CPXM2: variants seen among roughly 807,000 people sequenced by gnomAD.
The protein encoded by CPXM2 is carboxypeptidase X, M14 family member 2, also known as inactive carboxypeptidase-like protein X2.
Under a neutral mutation model 86.1 loss-of-function variants are expected in CPXM2, and 66 were observed. The observed-to-expected ratio is 0.77, with a 90% CI of 0.63 to 0.94. The LOEUF (loss-of-function observed/expected upper bound fraction) is 0.94, where lower values mean the gene tolerates loss of function less well. Among genes scored for constraint, CPXM2 ranks in the 40% least tolerant of loss-of-function variants. The pLI, the probability that CPXM2 is intolerant of heterozygous loss-of-function variation, is 0.00. For missense variants in CPXM2, 948 were observed against 1,026.3 expected (o/e 0.92, Z 1.04); for synonymous variants, 388 against 400.2 (o/e 0.97, Z 0.36).
intron 4 of CPXM2, among the ~76,000 whole-genome samples, chr10:123,842,083 T>A (rs1295988093): frequency 1.3e-5 from 2 of 152,260 alleles, no homozygotes; most frequent in Non-Finnish European, 2.9e-5. Flanking sequence ...TGGATTTCAC[T>A]GAGTCTGTGT....
intron 10 of CPXM2, among the ~76,000 whole-genome samples, chr10:123,762,728 AG>A (rs1329830909): frequency 6.6e-6 from 1 of 152,248 alleles, no homozygotes; most frequent in Non-Finnish European, 1.5e-5. Context: ...CAAGAAAAAA[AG>A]AAAACGATGT....
intron 2 of CPXM2, among the ~76,000 whole-genome samples, chr10:123,938,080 C>T (rs1945739523): frequency 6.6e-6 from 1 of 152,066 alleles, no homozygotes; most frequent in Non-Finnish European, 1.5e-5. Context: ...AGATTTCTCT[C>T]CCTCTTTCTG....
rs1309464680 is a variant in CPXM2, at chr10:123,929,911, TGGG to T, written n.174+9563_174+9565del. ...AACCACCGGGTCATGCTTCCTTCCT[TGGG>T]TAGGGCGTCCCTGGTGTGCCCAGAG... On this transcript the variant is annotated intron_variant and non_coding_transcript_variant, in intron 2 of 19. Transcript: ENST00000368854. 2.6e-5 allele frequency among the ~76,000 whole-genome samples: 4 copies of T among 152,150 alleles called. No individual in the cohort carries two copies. In the East Asian group the frequency reaches 7.7e-4, roughly 29 times the overall value.
In CPXM2 at chr10:123,887,079, G is replaced by C. The variant is rs1945188928; in HGVS notation, c.304+4277C>G. 2.0e-5 allele frequency: 3 copies of C among 152,178 alleles called. No individual in the cohort carries two copies. The South Asian group carries it at 6.2e-4, about 32-fold the overall frequency. 9.4% of individuals were successfully genotyped at this position (152,178 alleles called of 1,614,324 possible). On this transcript the variant is annotated intron_variant, in intron 1 of 13. Coordinates refer to ENST00000241305, the MANE Select transcript of CPXM2 (RefSeq NM_198148.3). ...AAACTGTCAAATTCAATTCGAAACA[G>C]CTAAATAAATGGAATTAGAGAGCAG...
At chr10:123,789,183 G>C (rs1847144526) in intron 6 of CPXM2, among the ~76,000 whole-genome samples, 1 of 152,188 alleles carries the variant, frequency 6.6e-6, no homozygotes, top group African/African-American at 2.4e-5. Context: ...TATAGAGCAA[G>C]GCCACGAGAG....
intron 2 of CPXM2, among the ~76,000 whole-genome samples, chr10:123,924,635 T>C (rs1447489330): frequency 6.6e-6 from 1 of 152,200 alleles, no homozygotes; most frequent in South Asian, 2.1e-4. Flanking sequence ...TTCATCACTT[T>C]TGTATGATTG....
At chr10:123,792,033 T>C (rs142039127) in intron 6 of CPXM2, among the ~76,000 whole-genome samples, 268 of 152,322 alleles carry the variant, frequency 1.8e-3, no homozygotes, top group African/African-American at 6.3e-3. Flanking sequence ...CCAGAGTACT[T>C]TGCACAGGGA....
rs1299654394 is a variant in CPXM2 at position 123,768,420 on chromosome 10, T to G, written c.1299+106A>C. 2.0e-5 allele frequency: 10 copies of G among 497,666 alleles called. No individual in the cohort carries two copies. The East Asian group carries it at 2.9e-4, about 14-fold the overall frequency. The allele number at this position is 497,666 out of a possible 1,614,324, so 30.8% of individuals were successfully genotyped here. A position where few individuals can be genotyped will look rare whatever the true frequency, so the allele number is the denominator to read the frequency against. On this transcript the variant is annotated intron_variant, in intron 9 of 13. Transcript: ENST00000241305. ...ATAAATAAATAAATAAATAAATAAA[T>G]AAAGCTCGGAAGGTGGAATTTTGCA...
At chr10:123,857,319 A>T (rs1344152270) in intron 3 of CPXM2, among the ~76,000 whole-genome samples, 7 of 152,164 alleles carry the variant, frequency 4.6e-5, no homozygotes, top group East Asian at 1.9e-4. Context: ...GTAACACGGC[A>T]AATGTATTCC....
chr10:123,898,532 G>A (rs1945356484), intron 2 of CPXM2, among the ~76,000 whole-genome samples: 1 of 152,044 alleles, frequency 6.6e-6, no homozygotes, highest in African/African-American at 2.4e-5. Context: ...TAGCTACTTG[G>A]GAGGCTGAGA....
In CPXM2 at chr10:123,891,340, G is replaced by T. The variant is rs1945265846; in HGVS notation, c.304+16C>A. On this transcript the variant is annotated intron_variant, in intron 1 of 13. Coordinates refer to ENST00000241305, the MANE Select transcript of CPXM2 (RefSeq NM_198148.3). This position sits in a 1 kb window ranked among gnomAD's most constrained non-coding sequence, Gnocchi z 5.6. Reference sequence around the variant, plus strand: ...CCGGCGCCCCCTCGGGCTGCCCAGCGCAGAAAGTTCCTTACCTGGTGGAGG... The same window carrying T: ...CCGGCGCCCCCTCGGGCTGCCCAGCTCAGAAAGTTCCTTACCTGGTGGAGG... The T allele has an allele frequency of 6.6e-7, 1 of 1,507,912 alleles. No homozygotes were observed. The highest frequency in any genetic ancestry group is 1.4e-5 in the African/African-American group (1 of 70,466). 93.4% of individuals were successfully genotyped at this position (1,507,912 alleles called of 1,614,324 possible). A position where few individuals can be genotyped will look rare whatever the true frequency, so the allele number is the denominator to read the frequency against.
intron 6 of CPXM2, among the ~76,000 whole-genome samples, chr10:123,791,853 G>A (rs1242911883): frequency 1.3e-5 from 2 of 152,168 alleles, no homozygotes; most frequent in African/African-American, 2.4e-5. Context: ...CAGTCGTGGC[G>A]AGCCCTGAAC....
intron 4 of CPXM2, among the ~76,000 whole-genome samples, chr10:123,823,164 T>C (rs533713872): frequency 4.5e-4 from 68 of 152,218 alleles, no homozygotes; most frequent in African/African-American, 1.6e-3. Flanking sequence ...CCAGAAGATA[T>C]GTACCATCGA....
chr10:123,833,537 A>C (rs1364672533), intron 4 of CPXM2, among the ~76,000 whole-genome samples: 3 of 152,314 alleles, frequency 2.0e-5, no homozygotes, highest in Admixed American at 2.0e-4. Flanking sequence ...GGTAAATGAG[A>C]GAAGCTTCAG....
chr10:123,924,334 C>A (rs1240081316), intron 2 of CPXM2, among the ~76,000 whole-genome samples: 1 of 152,192 alleles, frequency 6.6e-6, no homozygotes. Context: ...GACGTAGCCA[C>A]AATGACCCCG....
chr10:123,931,348 G>A (rs1227296365), intron 2 of CPXM2, among the ~76,000 whole-genome samples: 1 of 152,210 alleles, frequency 6.6e-6, no homozygotes, highest in Non-Finnish European at 1.5e-5. Context: ...GTCTGTCCAT[G>A]AGTTTGTGGA....
Position 123,891,223 on chromosome 10 carries a change from G to C in CPXM2, c.304+133C>G. The C allele has an allele frequency of 1.4e-6, 1 of 732,538 alleles. No homozygotes were observed. Among genetic ancestry groups the C allele is most frequent in the Non-Finnish European group, 2.1e-6 (1 of 466,520 alleles). The allele number at this position is 732,538 out of a possible 1,614,324, so 45.4% of individuals were successfully genotyped here. ...GAAGCGCAGATACAGTCCCTAGGGA[G>C]GCAGAGGCGGCAACAGGGAGATTCC... On this transcript the variant is annotated intron_variant, in intron 1 of 13. Coordinates refer to ENST00000241305, the MANE Select transcript of CPXM2 (RefSeq NM_198148.3). This position sits in a 1 kb window ranked among gnomAD's most constrained non-coding sequence, Gnocchi z 5.6.
intron 3 of CPXM2, among the ~76,000 whole-genome samples, chr10:123,851,768 C>CAAAA (rs58638640): frequency 4.0e-5 from 4 of 101,064 alleles, no homozygotes; most frequent in African/African-American, 1.0e-4. Context: ...GACATCATCT[C>CAAAA]AAAAAAAAAA....
chr10:123,780,396 C>G (rs1846906908), intron 6 of CPXM2, 141 bp from the exon 7 acceptor site: 1 of 613,732 alleles, frequency 1.6e-6, no homozygotes, highest in African/African-American at 1.8e-5. Flanking sequence ...AGAAAACCAA[C>G]CTGCAGGAAG....
Sources: allele counts gnomAD v4.1 joint callset (sites outside exome capture counted in the v4.1 genomes callset), GRCh38; gene constraint gnomAD v4.1.1; non-coding constraint Gnocchi (gnomAD v3.1); transcripts MANE v1.5; gene names NCBI Gene and HGNC (gene_info 2026-07-23, HGNC 2026-07-21).